The following LUM variants were observed in gnomAD, a reference collection of about 807,000 sequenced individuals.
LUM encodes KSPG lumican.
A neutral mutation model predicts 20.5 loss-of-function variants in LUM; 13 were observed. That is an observed-to-expected ratio of 0.63 (90% CI 0.41 to 1.01). The LOEUF (loss-of-function observed/expected upper bound fraction) is 1.01, where lower values mean the gene tolerates loss of function less well. LUM is among the 50% of genes least tolerant of loss of function. The pLI is 0.00. For missense variants in LUM, 321 were observed against 391.1 expected (o/e 0.82, Z 1.51); for synonymous variants, 173 against 151.5 (o/e 1.14, Z -1.04).
At chr12:91,107,754 T>C (rs1021579636) in intron 2 of LUM, among the ~76,000 whole-genome samples, 1 of 152,022 alleles carries the variant, frequency 6.6e-6, no homozygotes, top group Admixed American at 6.6e-5. Flanking sequence ...CTGGCTGTCT[T>C]GCCCAGGCTT....
At chr12:91,109,830 A>G (rs78650453) in intron 1 of LUM, among the ~76,000 whole-genome samples, 1,874 of 152,246 alleles carry the variant, frequency 0.012, 44 homozygotes, top group African/African-American at 0.042. Flanking sequence ...TCAATTACTC[A>G]CAAGTTCTCT....
chr12:91,110,607 A>G (rs1286414835), intron 1 of LUM, among the ~76,000 whole-genome samples: 1 of 152,200 alleles, frequency 6.6e-6, no homozygotes, highest in East Asian at 1.9e-4. Flanking sequence ...TTAATAAGCT[A>G]TTTTAAATTT....
At chr12:91,105,195 G>C (rs1221997997) in intron 2 of LUM, among the ~76,000 whole-genome samples, 3 of 152,040 alleles carry the variant, frequency 2.0e-5, no homozygotes, top group African/African-American at 7.2e-5. Flanking sequence ...GAGAAAGTGA[G>C]GAAAAATGGA....
In LUM at chr12:91,103,817, T is replaced by A; in HGVS notation, c.*348A>T. 1 of 191,782 alleles carries A rather than the reference T, an allele frequency of 5.2e-6. No individual in the cohort carries two copies. Among genetic ancestry groups the A allele is most frequent in the Non-Finnish European group, 1.1e-5 (1 of 92,780 alleles). The allele number at this position is 191,782 out of a possible 1,614,324, so 11.9% of individuals were successfully genotyped here. A position where few individuals can be genotyped will look rare whatever the true frequency, so the allele number is the denominator to read the frequency against. On this transcript the variant is annotated 3_prime_UTR_variant, in exon 3 of 3. Coordinates refer to ENST00000266718, the MANE Select transcript of LUM (RefSeq NM_002345.4). Reference sequence around the variant, plus strand: ...TTGGTGCAAGAGAGTAACATCCATATGTATTTAATCCAAGCTTTGAGGAAC... The same window carrying A: ...TTGGTGCAAGAGAGTAACATCCATAAGTATTTAATCCAAGCTTTGAGGAAC...
chr12:91,104,374 C>T, intron 2 of LUM, 55 bp from the exon 3 acceptor site: 1 of 1,235,726 alleles, frequency 8.1e-7, no homozygotes, highest in Non-Finnish European at 1.2e-6. Flanking sequence ...TGGCTCAAAA[C>T]AATACAAAAA....
chr12:91,107,291 AAG>A (rs1565758436), intron 2 of LUM, among the ~76,000 whole-genome samples: 1 of 103,454 alleles, frequency 9.7e-6, no homozygotes. Context: ...AAGAAAGAGA[AAG>A]AAAGAAAGAA....
intron 1 of LUM, among the ~76,000 whole-genome samples, chr12:91,109,399 A>G (rs1294770177): frequency 2.6e-5 from 4 of 152,132 alleles, no homozygotes. Context: ...TTAACTGTAT[A>G]CTCTACCCTA....
chr12:91,106,690 T>TAAAAAAAAAAAAAAAAAAAAAAAAA (rs374164456), intron 2 of LUM, among the ~76,000 whole-genome samples: 2 of 90,584 alleles, frequency 2.2e-5, no homozygotes, highest in African/African-American at 9.2e-5. Context: ...ATTTTTCTTC[T>TAAAAAAAAAAAAAAAAAAAAAAAAA]AAAAAAAAAA....
Position 91,108,095 on chromosome 12 carries a change from C to T in LUM, c.862+23G>A, listed in dbSNP as rs146379752. 4.3e-6 allele frequency: 7 copies of T among 1,613,376 alleles called. No individual in the cohort carries two copies. The African/African-American group carries it at 9.3e-5, about 22-fold the overall frequency. On this transcript the variant is annotated intron_variant, in intron 2 of 2. Transcript: ENST00000266718. This position sits in a 1 kb window ranked among gnomAD's most constrained non-coding sequence, Gnocchi z 4.2. The stretch of plus-strand genomic sequence containing the variant: ...TTTAAACACTTGAGCACACATCAAA[C>T]ACAGGAACAGCTTTTTACTTACTCT...
At chr12:91,107,273 AAGAAAGAAAGAAAG>A (rs1301602806) in intron 2 of LUM, among the ~76,000 whole-genome samples, 97 of 92,824 alleles carry the variant, frequency 1.0e-3, no homozygotes, top group African/African-American at 2.8e-3. Flanking sequence ...GAAAGAAAGA[AAGAAAGAAAGAAAG>A]AGAAAGAAAG....
chr12:91,109,131 C>T, intron 1 of LUM, 131 bp from the exon 2 acceptor site: 2 of 684,012 alleles, frequency 2.9e-6, no homozygotes, highest in Non-Finnish European at 4.8e-6. Context: ...GTGCATCTAA[C>T]AGCGTCTTTT....
intron 2 of LUM, among the ~76,000 whole-genome samples, chr12:91,105,759 G>A (rs575968532): frequency 6.6e-6 from 1 of 152,286 alleles, no homozygotes; most frequent in Admixed American, 6.5e-5. Flanking sequence ...CAGGCCGTTG[G>A]CCTTTCTCCC....
chr12:91,108,912 T>C lies in LUM; in HGVS notation c.68A>G (p.Tyr23Cys), dbSNP rs1179788706. The change falls in exon 2 of 3, where the codon TAT becomes TGT. Residue 23 changes from tyrosine to cysteine, a missense_variant. Tyr to Cys is a radical substitution (Grantham distance 194, BLOSUM62 -2). Transcript: ENST00000266718. This position sits in a 1 kb window ranked among gnomAD's most constrained non-coding sequence, Gnocchi z 4.2. ...IGGTSGQYYD[Y>C]DFPLSIYGQS... ...CCCATAAATTGATAGGGGAAAATCA[T>C]AATCATAGTACTGGCCACTGGTACC... The C allele has an allele frequency of 6.2e-7, 1 of 1,613,908 alleles. No homozygotes were observed. Among genetic ancestry groups the C allele is most frequent in the Admixed American group, 1.7e-5 (1 of 60,002 alleles).
chr12:91,111,367 T>A (rs1291644092), intron 1 of LUM, 31 bp downstream of exon 1: 1 of 152,208 alleles, frequency 6.6e-6, no homozygotes, highest in Non-Finnish European at 1.5e-5. Context: ...ACAGTTAACA[T>A]CCCCAGTGCA....
chr12:91,104,262 T>C lies in LUM; in HGVS notation c.920A>G (p.Lys307Arg), dbSNP rs767401384. 3 of 1,613,030 alleles carry C rather than the reference T, an allele frequency of 1.9e-6. No individual in the cohort carries two copies. Among genetic ancestry groups the C allele is most frequent in the Admixed American group, 3.3e-5 (2 of 59,944 alleles). The change falls in exon 3 of 3, where the codon AAG becomes AGG. Residue 307 changes from lysine (K) to arginine (R), a missense_variant. Coordinates refer to ENST00000266718, the MANE Select transcript of LUM (RefSeq NM_002345.4). ...GCGATTGCCATCCAAACGCAAATGCTTGATCTTGGAGTAGGATAATGGCCC... is the reference window on the plus strand; with the variant it reads ...GCGATTGCCATCCAAACGCAAATGCCTGATCTTGGAGTAGGATAATGGCCC... ...ILGPLSYSKI[K>R]HLRLDGNRIS...
In LUM at chr12:91,108,236, T is replaced by G; in HGVS notation, c.744A>C (p.Gly248=). 1 of 1,614,150 alleles carries G rather than the reference T, an allele frequency of 6.2e-7. No individual in the cohort carries two copies. ...HNELADSGIP[G]NSFNVSSLVE... ...CCAGGGATGACACATTGAAAGAATT[T>G]CCAGGTATTCCACTATCAGCCAGTT... The change falls in exon 2 of 3, where the codon GGA becomes GGC. Residue 248 remains glycine (G), a synonymous_variant. Coordinates refer to ENST00000266718, the MANE Select transcript of LUM (RefSeq NM_002345.4). This position sits in a 1 kb window ranked among gnomAD's most constrained non-coding sequence, Gnocchi z 4.2.
At chr12:91,106,663 A>C (rs1880037815) in intron 2 of LUM, among the ~76,000 whole-genome samples, 1 of 147,458 alleles carries the variant, frequency 6.8e-6, no homozygotes, top group South Asian at 2.2e-4. Flanking sequence ...CCAAGAAAAA[A>C]AAAGCTCTGT....
At chr12:91,106,615 G>GA (rs1382387695) in intron 2 of LUM, among the ~76,000 whole-genome samples, 1 of 125,976 alleles carries the variant, frequency 7.9e-6, no homozygotes, top group African/African-American at 3.0e-5. Context: ...AGGAGAAAGA[G>GA]AAAGTGTGGA....
Position 91,111,444 on chromosome 12 carries a change from T to C in LUM, c.-68A>G, listed in dbSNP as rs540987153. On this transcript the variant is annotated 5_prime_UTR_variant, in exon 1 of 3. In the 5' UTR this introduces an upstream ATG that the reference lacks. Coordinates refer to ENST00000266718, the MANE Select transcript of LUM (RefSeq NM_002345.4). Reference sequence around the variant, plus strand: ...TCGTTAATTCTTAAAGCAGATGCACTATGGACAAGAATCCACCAATATATG... The same window carrying C: ...TCGTTAATTCTTAAAGCAGATGCACCATGGACAAGAATCCACCAATATATG... 4.6e-5 allele frequency: 7 copies of C among 151,172 alleles called. No homozygotes were observed. The highest frequency in any genetic ancestry group is 1.7e-4 in the African/African-American group (7 of 40,984). The allele number at this position is 151,172 out of a possible 1,614,324, so 9.4% of individuals were successfully genotyped here.
Sources: allele counts gnomAD v4.1 joint callset (sites outside exome capture counted in the v4.1 genomes callset), GRCh38; gene constraint gnomAD v4.1.1; non-coding constraint Gnocchi (gnomAD v3.1); transcripts MANE v1.5; gene names NCBI Gene and HGNC (gene_info 2026-07-23, HGNC 2026-07-21).